MYO1F: variants seen among roughly 807,000 people sequenced by gnomAD.
The protein encoded by MYO1F is myosin IF, also known as unconventional myosin-If.
Under a neutral mutation model 146.6 loss-of-function variants are expected in MYO1F, and 60 were observed. The observed-to-expected ratio is 0.41, with a 90% CI of 0.33 to 0.51. MYO1F has a LOEUF of 0.51. Among genes scored for constraint, MYO1F ranks in the 20% least tolerant of loss-of-function variants. MYO1F has a pLI of 0.25. For synonymous variants in MYO1F, 602 were observed against 602.1 expected (o/e 1.00, Z 0.00); for missense variants, 1,274 against 1,534.3 (o/e 0.83, Z 2.83).
At position 8,530,587 on chromosome 19, in the gene MYO1F, G is replaced by C; in HGVS notation, c.2044-14C>G. 1 of 1,600,508 alleles carries C rather than the reference G, an allele frequency of 6.2e-7. No homozygotes were observed. Among genetic ancestry groups the C allele is most frequent in the Non-Finnish European group, 8.5e-7 (1 of 1,173,378 alleles). ...CAGGAGGAAAAGCTGGGCGGGGGTC[G>C]TGGGGGGCAAGGGTGAGTCCTGGTG... On this transcript the variant is annotated splice_polypyrimidine_tract_variant and intron_variant, in intron 19 of 27. Transcript: ENST00000644032. The surrounding 1 kb of genome is among the most constrained non-coding windows in gnomAD (Gnocchi z 5.8).
At position 8,528,314 on chromosome 19, in the gene MYO1F, G is replaced by T. The variant is rs550233924; in HGVS notation, c.2329-831C>A. Among the ~76,000 whole-genome samples the T allele has an allele frequency of 2.6e-5, 4 of 152,108 alleles. No individual in the cohort carries two copies. In the South Asian group the frequency reaches 8.3e-4, roughly 32 times the overall value. ...GAGGCTGAGGTGGGTGGATCACAAG[G>T]TCAGAAGATTGAGACCATCCTGGCT... On this transcript the variant is annotated intron_variant, in intron 21 of 27. Transcript: ENST00000644032.
At chr19:8,553,888 A>ACTCT (rs1318395114) in intron 4 of MYO1F, among the ~76,000 whole-genome samples, 6 of 67,634 alleles carry the variant, frequency 8.9e-5, no homozygotes, top group East Asian at 9.1e-4. Context: ...ACACACACAC[A>ACTCT]CACACACTCT....
chr19:8,569,491 A>G (rs1366800395), intron 1 of MYO1F, among the ~76,000 whole-genome samples: 3 of 152,024 alleles, frequency 2.0e-5, no homozygotes, highest in Admixed American at 1.3e-4. Context: ...GATGGTGCCT[A>G]TGGGGCTGGG....
At chr19:8,524,478 A>C (rs1264611514) in intron 25 of MYO1F, among the ~76,000 whole-genome samples, 6 of 148,320 alleles carry the variant, frequency 4.0e-5, no homozygotes, top group Non-Finnish European at 8.9e-5. Context: ...CCAGCTACTC[A>C]GGGGGCTGAG....
At position 8,574,601 on chromosome 19, in the gene MYO1F, CTTTCTTTCTTTCTTTCTT is replaced by C. The variant is rs2042186772; in HGVS notation, c.3+2688_3+2705del. Among the ~76,000 whole-genome samples the C allele has an allele frequency of 4.3e-3, 279 of 64,720 alleles. 3 individuals are homozygous for C. The highest frequency in any genetic ancestry group is 0.017 in the African/African-American group (255 of 15,176). The allele number at this position is 64,720 out of a possible 152,430, so 42.5% of individuals were successfully genotyped here. A position where few individuals can be genotyped will look rare whatever the true frequency, so the allele number is the denominator to read the frequency against. ...TTTCTCTCTCTCTCTCTCTCTCTTTCTTTCTTTCTTTCTTTCTTTCTTTCTTTCTTTCTTTCTTTCTTT... is the reference window on the plus strand; with the variant it reads ...TTTCTCTCTCTCTCTCTCTCTCTTTCTCTTTCTTTCTTTCTTTCTTTCTTT... On this transcript the variant is annotated intron_variant, in intron 1 of 27. Transcript: ENST00000644032.
At chr19:8,575,704 C>T (rs2042227887) in intron 1 of MYO1F, among the ~76,000 whole-genome samples, 1 of 150,184 alleles carries the variant, frequency 6.7e-6, no homozygotes, top group South Asian at 2.1e-4. Context: ...CATCCCCAGA[C>T]AGAGGTGGGT....
At chr19:8,550,101 C>T in intron 10 of MYO1F, 59 bp downstream of exon 10, 3 of 1,585,456 alleles carry the variant, frequency 1.9e-6, no homozygotes, top group Non-Finnish European at 2.6e-6. Flanking sequence ...CACTCAGCTT[C>T]CATAAATGTT....
At chr19:8,525,660 C>A in intron 24 of MYO1F, 98 bp from the exon 25 acceptor site, 1 of 999,904 alleles carries the variant, frequency 1.0e-6, no homozygotes, top group Non-Finnish European at 1.5e-6. Context: ...GCACCCCGCC[C>A]CCTCAGGCTC....
chr19:8,564,112 G>A (rs2041957452), intron 1 of MYO1F, among the ~76,000 whole-genome samples: 1 of 152,096 alleles, frequency 6.6e-6, no homozygotes, highest in Non-Finnish European at 1.5e-5. Context: ...CGGGCATGGC[G>A]GCTCATGCCT....
At chr19:8,522,327 C>T (rs1278271078) in intron 27 of MYO1F, 50 bp downstream of exon 27, 39 of 1,611,756 alleles carry the variant, frequency 2.4e-5, no homozygotes, top group Non-Finnish European at 3.3e-5. Context: ...CGGCCGATGT[C>T]AGGGTTCTTA....
intron 19 of MYO1F, among the ~76,000 whole-genome samples, chr19:8,535,697 TGA>T (rs1972675992): frequency 6.6e-6 from 1 of 151,888 alleles, no homozygotes; most frequent in Non-Finnish European, 1.5e-5. Context: ...TTTTTTTTTT[TGA>T]GACGGAGTCT....
At chr19:8,531,164 A>G (rs1296061862) in intron 19 of MYO1F, among the ~76,000 whole-genome samples, 1 of 151,710 alleles carries the variant, frequency 6.6e-6, no homozygotes, top group East Asian at 2.0e-4. Flanking sequence ...CCTGATCAAC[A>G]TGGAGAAACC....
intron 15 of MYO1F, among the ~76,000 whole-genome samples, chr19:8,541,425 G>GTTT (rs4040643): frequency 1.9e-4 from 17 of 87,932 alleles, no homozygotes; most frequent in Admixed American, 2.5e-4. Context: ...GTGTGTGTGT[G>GTTT]TTTTTTTTTT....
chr19:8,550,031 C>T (rs1396276051), intron 10 of MYO1F, 129 bp downstream of exon 10: 1 of 1,098,138 alleles, frequency 9.1e-7, no homozygotes, highest in Non-Finnish European at 1.3e-6. Flanking sequence ...AACTTCTGGC[C>T]TCAAAGAATG....
chr19:8,553,075 G>C, intron 6 of MYO1F, 64 bp downstream of exon 6: 1 of 1,413,484 alleles, frequency 7.1e-7, no homozygotes, highest in Non-Finnish European at 1.0e-6. Context: ...GTATGTGTGG[G>C]TGTGTGTGTA....
intron 12 of MYO1F, 55 bp from the exon 13 acceptor site, chr19:8,545,791 T>G: frequency 2.4e-6 from 3 of 1,239,392 alleles, no homozygotes; most frequent in Non-Finnish European, 3.6e-6. Context: ...GTGGCCACCC[T>G]TCCCCCCATG....
Position 8,577,081 on chromosome 19 carries a change from G to T in MYO1F, c.3+226C>A. 1.6e-6 allele frequency: 1 copy of T among 637,902 alleles called. No homozygotes were observed. 39.5% of individuals were successfully genotyped at this position (637,902 alleles called of 1,614,324 possible). A position where few individuals can be genotyped will look rare whatever the true frequency, so the allele number is the denominator to read the frequency against. ...TCTTCCAGGTCCTGCCCTATCCTTG[G>T]ATCCAGGGATACCACCCTGGCATCC... On this transcript the variant is annotated intron_variant, in intron 1 of 27. Coordinates refer to ENST00000644032, the MANE Select transcript of MYO1F (RefSeq NM_012335.4). The surrounding 1 kb of genome is among the most constrained non-coding windows in gnomAD (Gnocchi z 4.3).
At chr19:8,548,802 G>A (rs1172298119) in intron 10 of MYO1F, among the ~76,000 whole-genome samples, 2 of 147,598 alleles carry the variant, frequency 1.4e-5, no homozygotes, top group Non-Finnish European at 3.0e-5. Context: ...GGGTTTCACT[G>A]TGGTCTCGAT....
rs1255805280 is a variant in MYO1F, at chr19:8,555,804, G to C, written c.4-8C>G. ...GAAGCGCTCCTTGCTGCCCTGGGGG[G>C]TGAGAGGGGGGTCGGGGTGAGCCCT... On this transcript the variant is annotated splice_region_variant and splice_polypyrimidine_tract_variant and intron_variant, in intron 1 of 27. Transcript: ENST00000644032. 1.2e-6 allele frequency: 2 copies of C among 1,610,222 alleles called. No individual in the cohort carries two copies. Among genetic ancestry groups the C allele is most frequent in the African/African-American group, 1.3e-5 (1 of 74,874 alleles).
Sources: gnomAD v4.1 joint callset for allele counts (sites outside exome capture counted in the v4.1 genomes callset) on GRCh38, gnomAD v4.1.1 for gene constraint, Gnocchi (gnomAD v3.1) non-coding constraint, MANE v1.5 for transcripts, NCBI Gene and HGNC (gene_info 2026-07-23, HGNC 2026-07-21) for gene names.